The following TUSC3 variants were observed in gnomAD, a reference collection of about 807,000 sequenced individuals.
TUSC3 encodes the protein dolichyl-diphosphooligosaccharide--protein glycosyltransferase subunit TUSC3.
In TUSC3, 45 loss-of-function variants were observed where a neutral mutation model predicts 44.8. The observed-to-expected ratio is 1.00, with a 90% CI of 0.79 to 1.29. The LOEUF is 1.29. TUSC3 is among the 50% of genes most tolerant of loss of function. The pLI is 0.00. For missense variants in TUSC3, 519 were observed against 437.9 expected (o/e 1.19, Z -1.65); for synonymous variants, 212 against 152.9 (o/e 1.39, Z -2.85).
At chr8:15,562,962 G>A (rs34308437) in intron 1 of TUSC3, among the ~76,000 whole-genome samples, 77 of 151,994 alleles carry the variant, frequency 5.1e-4, no homozygotes, top group African/African-American at 1.0e-3. Context: ...TTGTGGGAGC[G>A]CTGTTCTGCT....
chr8:15,575,488 G>A (rs533560292), intron 1 of TUSC3, among the ~76,000 whole-genome samples: 2 of 152,252 alleles, frequency 1.3e-5, no homozygotes, highest in African/African-American at 4.8e-5. Context: ...TCTGAGGGCT[G>A]GGTATGGTGG....
At chr8:15,680,873 G>A (rs995861904) in intron 6 of TUSC3, among the ~76,000 whole-genome samples, 1 of 152,076 alleles carries the variant, frequency 6.6e-6, no homozygotes, top group Non-Finnish European at 1.5e-5. Context: ...TTTATGTGGT[G>A]TATTACATTT....
At chr8:15,515,059 C>G (rs148441779) in intron 2 of TUSC3, among the ~76,000 whole-genome samples, 1 of 152,082 alleles carries the variant, frequency 6.6e-6, no homozygotes, top group African/African-American at 2.4e-5. Context: ...CACTTCTTTT[C>G]CACCGATGGA....
At chr8:15,687,868 C>T (rs772871195) in intron 6 of TUSC3, among the ~76,000 whole-genome samples, 3 of 152,074 alleles carry the variant, frequency 2.0e-5, no homozygotes, top group African/African-American at 7.2e-5. Flanking sequence ...GTTTTCCCTG[C>T]TAACATTTGT....
At chr8:15,591,505 C>G (rs1456039984) in intron 1 of TUSC3, among the ~76,000 whole-genome samples, 1 of 152,120 alleles carries the variant, frequency 6.6e-6, no homozygotes, top group Non-Finnish European at 1.5e-5. Context: ...GTGAATATTT[C>G]TTGTCAATGG....
chr8:15,539,434 C>T (rs1322417512), upstream of TUSC3, among the ~76,000 whole-genome samples: 1 of 141,812 alleles, frequency 7.1e-6, no homozygotes, highest in Non-Finnish European at 1.5e-5. Context: ...CTCACTGCAA[C>T]CTCTGCCTCC....
At chr8:15,433,270 G>A (rs575258364) in intron 1 of TUSC3, among the ~76,000 whole-genome samples, 1 of 152,232 alleles carries the variant, frequency 6.6e-6, no homozygotes, top group South Asian at 2.1e-4. Flanking sequence ...TAGTTCACGT[G>A]TAGACTGGAA....
chr8:15,606,137 A>C (rs1804515153), intron 1 of TUSC3, among the ~76,000 whole-genome samples: 1 of 152,054 alleles, frequency 6.6e-6, no homozygotes, highest in Non-Finnish European at 1.5e-5. Context: ...ATGACATTAC[A>C]AGAAAAAGTT....
chr8:15,443,144 TC>T (rs1231993079), intron 1 of TUSC3, among the ~76,000 whole-genome samples: 4 of 152,050 alleles, frequency 2.6e-5, no homozygotes, highest in African/African-American at 9.7e-5. Context: ...GACATTTTTT[TC>T]TTTTTTCTTC....
intron 2 of TUSC3, among the ~76,000 whole-genome samples, chr8:15,517,276 C>T (rs917371701): frequency 2.6e-5 from 4 of 152,014 alleles, no homozygotes; most frequent in African/African-American, 9.7e-5. Flanking sequence ...TAAAAATTTA[C>T]GCCCATAGCT....
chr8:15,587,608 A>T (rs1393430809), intron 1 of TUSC3, among the ~76,000 whole-genome samples: 1 of 152,138 alleles, frequency 6.6e-6, no homozygotes, highest in Non-Finnish European at 1.5e-5. Flanking sequence ...CTTTGAACAT[A>T]TACAGTAATT....
chr8:15,457,721 TAATAA>T (rs956008233), intron 1 of TUSC3, among the ~76,000 whole-genome samples: 2 of 148,572 alleles, frequency 1.3e-5, no homozygotes, highest in African/African-American at 2.4e-5. Context: ...AATAATAATC[TAATAA>T]AATAAAATAT....
chr8:15,428,499 TG>T (rs1230008150), intron 1 of TUSC3, among the ~76,000 whole-genome samples: 2 of 152,112 alleles, frequency 1.3e-5, no homozygotes, highest in African/African-American at 4.8e-5. Flanking sequence ...ATGGGATGGC[TG>T]GGTCAAATGG....
chr8:15,594,616 A>G (rs1018998638), intron 1 of TUSC3, among the ~76,000 whole-genome samples: 7 of 152,106 alleles, frequency 4.6e-5, no homozygotes, highest in Non-Finnish European at 8.8e-5. Context: ...AGGGATAATT[A>G]TTCCCTACTA....
intron 1 of TUSC3, among the ~76,000 whole-genome samples, chr8:15,483,032 C>G (rs1019738800): frequency 4.6e-5 from 7 of 152,022 alleles, no homozygotes; most frequent in Admixed American, 2.6e-4. Flanking sequence ...AGACTAAAAG[C>G]CAACTTTAAT....
chr8:15,422,919 A>G (rs11994574), intron 1 of TUSC3, among the ~76,000 whole-genome samples: 24,352 of 152,088 alleles, frequency 0.16, 2,242 homozygotes, highest in African/African-American at 0.24. Flanking sequence ...CTGGGATTAC[A>G]GGTATGAGCC....
At chr8:15,781,031 G>C in the TUSC3 span, among the ~76,000 whole-genome samples, 1 of 152,134 alleles carries the variant, frequency 6.6e-6, no homozygotes, top group African/African-American at 2.4e-5. Context: ...ACTTGTATCA[G>C]GTAGTTAAAG....
At chr8:15,583,283 G>T (rs1416814703) in intron 1 of TUSC3, among the ~76,000 whole-genome samples, 1 of 152,138 alleles carries the variant, frequency 6.6e-6, no homozygotes, top group East Asian at 1.9e-4. Flanking sequence ...TCAGAATTAT[G>T]TTCAATTCTT....
intron 6 of TUSC3, among the ~76,000 whole-genome samples, chr8:15,726,097 C>T (rs1403249769): frequency 6.6e-6 from 1 of 152,138 alleles, no homozygotes; most frequent in East Asian, 1.9e-4. Flanking sequence ...TTACCACTAG[C>T]ACAATTTAAA....
Sources: gnomAD v4.1 joint callset for allele counts (sites outside exome capture counted in the v4.1 genomes callset) on GRCh38, gnomAD v4.1.1 for gene constraint, MANE v1.5 for transcripts, NCBI Gene and HGNC (gene_info 2026-07-23, HGNC 2026-07-21) for gene names.